The following KCNQ5 variants were observed in gnomAD, a reference collection of about 807,000 sequenced individuals.
The protein encoded by KCNQ5 is potassium voltage-gated channel subfamily Q member 5, also known as potassium voltage-gated channel subfamily KQT member 5.
Under a neutral mutation model 98.2 loss-of-function variants are expected in KCNQ5, and 30 were observed. That is an observed-to-expected ratio of 0.31 (90% CI 0.23 to 0.41). The LOEUF is 0.41. Ranked by LOEUF, KCNQ5 falls within the 10% of genes least tolerant of loss-of-function variation. KCNQ5 has a pLI of 1.00. For missense variants in KCNQ5, 835 were observed against 1,182.5 expected, an observed-to-expected ratio of 0.71 and a Z score of 4.31; for synonymous variants, 458 against 449.4, an observed-to-expected ratio of 1.02 and a Z score of -0.24.
chr6:72,735,554 T>C (rs1770783840), intron 1 of KCNQ5, among the ~76,000 whole-genome samples: 1 of 152,142 alleles, frequency 6.6e-6, no homozygotes, highest in African/African-American at 2.4e-5. Flanking sequence ...AAAAAATGAC[T>C]ATGTATCTTT....
chr6:72,866,446 G>A (rs539737857), intron 1 of KCNQ5, among the ~76,000 whole-genome samples: 69 of 151,778 alleles, frequency 4.5e-4, no homozygotes, highest in African/African-American at 1.5e-3. Context: ...TAGAGATGGG[G>A]GTTTCACAAT....
chr6:73,196,205 G>A lies in KCNQ5; in HGVS notation c.*791G>A, dbSNP rs930461241. 2.6e-5 allele frequency: 4 copies of A among 152,322 alleles called. No individual in the cohort carries two copies. The highest frequency in any genetic ancestry group is 9.6e-5 in the African/African-American group (4 of 41,464). 9.4% of individuals were successfully genotyped at this position (152,322 alleles called of 1,614,324 possible). ...ACACAAGCGTATGAAATACTGGTCA[G>A]TAGAACAGCCATTGTGATTGGACTG... On this transcript the variant is annotated 3_prime_UTR_variant, in exon 14 of 14. Transcript: ENST00000370398.
chr6:73,023,379 G>A (rs117225190), intron 2 of KCNQ5, among the ~76,000 whole-genome samples: 2 of 152,204 alleles, frequency 1.3e-5, no homozygotes, highest in Non-Finnish European at 2.9e-5. Flanking sequence ...CCATCAGAAG[G>A]TACTGGAAAT....
At chr6:72,731,697 A>G (rs929906506) in intron 1 of KCNQ5, among the ~76,000 whole-genome samples, 1 of 152,188 alleles carries the variant, frequency 6.6e-6, no homozygotes, top group Admixed American at 6.5e-5. Flanking sequence ...ATACTTTCCA[A>G]GAAGTCCCAC....
chr6:72,706,321 T>C (rs1009770070), intron 1 of KCNQ5, among the ~76,000 whole-genome samples: 10 of 117,132 alleles, frequency 8.5e-5, no homozygotes, highest in Non-Finnish European at 1.5e-4. Flanking sequence ...TTCTGATAAA[T>C]TTAATATTTT....
intron 1 of KCNQ5, among the ~76,000 whole-genome samples, chr6:72,880,436 T>C (rs1411387375): frequency 6.6e-6 from 1 of 152,160 alleles, no homozygotes; most frequent in East Asian, 1.9e-4. Flanking sequence ...ATGACATAAT[T>C]ACCTCCTAAA....
At chr6:72,989,639 G>A (rs1451018878) in intron 1 of KCNQ5, among the ~76,000 whole-genome samples, 1 of 240 alleles carries the variant, frequency 4.2e-3, no homozygotes, top group African/African-American at 0.013. Flanking sequence ...TTCTTTTGCT[G>A]TGCAGAAGCT....
chr6:73,058,178 C>G (rs139259345), intron 3 of KCNQ5, among the ~76,000 whole-genome samples: 1 of 152,104 alleles, frequency 6.6e-6, no homozygotes, highest in African/African-American at 2.4e-5. Context: ...TTTGGGAGGC[C>G]GAGGCAGGCG....
chr6:73,181,654 A>C (rs1169577613), intron 11 of KCNQ5, among the ~76,000 whole-genome samples: 1 of 152,246 alleles, frequency 6.6e-6, no homozygotes, highest in Non-Finnish European at 1.5e-5. Context: ...ATGTGAGTAA[A>C]AACAATCATA....
intron 1 of KCNQ5, among the ~76,000 whole-genome samples, chr6:72,674,478 TA>T (rs1299735251): frequency 6.6e-6 from 1 of 151,628 alleles, no homozygotes; most frequent in African/African-American, 2.4e-5. Flanking sequence ...ATTTTTAAGT[TA>T]AAAAAAAGAG....
At chr6:72,841,411 G>T (rs1385510928) in intron 1 of KCNQ5, among the ~76,000 whole-genome samples, 4 of 152,070 alleles carry the variant, frequency 2.6e-5, no homozygotes, top group Non-Finnish European at 4.4e-5. Flanking sequence ...TACGTCATAG[G>T]TATAGCATGT....
chr6:72,961,471 A>T (rs1402942927), intron 1 of KCNQ5, among the ~76,000 whole-genome samples: 1 of 151,908 alleles, frequency 6.6e-6, no homozygotes, highest in East Asian at 1.9e-4. Flanking sequence ...TAGAAAAAAA[A>T]ATTAGCCGGG....
At chr6:72,728,995 T>C (rs1582181706) in intron 1 of KCNQ5, among the ~76,000 whole-genome samples, 1 of 152,232 alleles carries the variant, frequency 6.6e-6, no homozygotes, top group African/African-American at 2.4e-5. Context: ...TCTTATCTTT[T>C]TTTACACACA....
intron 10 of KCNQ5, among the ~76,000 whole-genome samples, chr6:73,156,660 C>T (rs1252933250): frequency 3.3e-5 from 5 of 149,774 alleles, no homozygotes; most frequent in Middle Eastern, 3.4e-3. Flanking sequence ...GAATTATGAA[C>T]TTCTAGCCCT....
At chr6:72,632,967 A>G (rs1218620055) in intron 1 of KCNQ5, among the ~76,000 whole-genome samples, 1 of 152,168 alleles carries the variant, frequency 6.6e-6, no homozygotes, top group Non-Finnish European at 1.5e-5. Context: ...TTGCTGGGTG[A>G]AATGGTAGTT....
intron 2 of KCNQ5, among the ~76,000 whole-genome samples, chr6:73,019,342 T>C (rs996296022): frequency 3.3e-5 from 5 of 152,224 alleles, no homozygotes; most frequent in Non-Finnish European, 7.3e-5. Flanking sequence ...GTGTGAAATC[T>C]TGCCCCAAAC....
intron 1 of KCNQ5, among the ~76,000 whole-genome samples, chr6:72,741,335 T>A (rs1370579910): frequency 3.3e-4 from 51 of 152,322 alleles, no homozygotes; most frequent in Admixed American, 3.3e-3. Context: ...CTTGCAGAGA[T>A]GGCACCCCAT....
At chr6:72,892,122 C>T (rs977503611) in intron 1 of KCNQ5, among the ~76,000 whole-genome samples, 7 of 152,092 alleles carry the variant, frequency 4.6e-5, no homozygotes, top group African/African-American at 1.2e-4. Flanking sequence ...TTTCTCTCTC[C>T]CCTCAAAAAG....
intron 1 of KCNQ5, among the ~76,000 whole-genome samples, chr6:72,729,632 T>C (rs1429543525): frequency 1.3e-5 from 2 of 152,200 alleles, no homozygotes; most frequent in African/African-American, 4.8e-5. Context: ...TTTCTAACAG[T>C]ACTTACTCCC....
Sources: gnomAD v4.1 joint callset for allele counts (sites outside exome capture counted in the v4.1 genomes callset) on GRCh38, gnomAD v4.1.1 for gene constraint, MANE v1.5 for transcripts, NCBI Gene and HGNC (gene_info 2026-07-23, HGNC 2026-07-21) for gene names.